Variants in WWP2 observed in about 807,000 individuals in gnomAD.
WWP2 encodes the protein NEDD4-like E3 ubiquitin-protein ligase WWP2.
In WWP2, 57 loss-of-function variants were observed where a neutral mutation model predicts 121.0. The observed-to-expected ratio is 0.47, with a 90% CI of 0.38 to 0.59. WWP2 has a LOEUF of 0.59. WWP2 is among the 20% of genes least tolerant of loss of function. The pLI is 0.00. For missense variants in WWP2, 962 were observed against 1,158.9 expected (o/e 0.83, Z 2.47); for synonymous variants, 449 against 441.3 (o/e 1.02, Z -0.22).
chr16:69,910,601 G>C (rs2058365690), intron 9 of WWP2, among the ~76,000 whole-genome samples: 1 of 152,120 alleles, frequency 6.6e-6, no homozygotes, highest in Non-Finnish European at 1.5e-5. Context: ...AGTAGAGACA[G>C]GGTTTCACCA....
intron 2 of WWP2, among the ~76,000 whole-genome samples, chr16:69,795,615 A>G (rs1296170433): frequency 8.5e-6 from 1 of 117,648 alleles, no homozygotes; most frequent in South Asian, 2.8e-4. Context: ...TTCTATTTCA[A>G]TTTTTCTATA....
At chr16:69,910,576 A>G (rs1347131044) in intron 9 of WWP2, among the ~76,000 whole-genome samples, 15 of 152,002 alleles carry the variant, frequency 9.9e-5, no homozygotes, top group Non-Finnish European at 1.5e-5. Context: ...TGCCCAACTA[A>G]TTTTTTGTAT....
chr16:69,893,887 A>C (rs1219378815), intron 8 of WWP2, among the ~76,000 whole-genome samples: 1 of 152,084 alleles, frequency 6.6e-6, no homozygotes, highest in Non-Finnish European at 1.5e-5. Flanking sequence ...CTCTTCCTGC[A>C]CTGGCAGATA....
rs1398259138 is a variant in WWP2 at position 69,940,987 on chromosome 16, C to T, written c.*1047C>T. 6.5e-6 allele frequency: 1 copy of T among 153,042 alleles called. No homozygotes were observed. Among genetic ancestry groups the T allele is most frequent in the African/African-American group, 2.4e-5 (1 of 41,470 alleles). 9.5% of individuals were successfully genotyped at this position (153,042 alleles called of 1,614,324 possible). On this transcript the variant is annotated 3_prime_UTR_variant, in exon 24 of 24. Transcript: ENST00000359154. ...ACAGGGGTCCGGCTGTGGAGCTCCC[C>T]TGCCAGCCCCTGGAGCTCCAGGAGG...
At chr16:69,811,035 A>G (rs1329593272) in intron 4 of WWP2, among the ~76,000 whole-genome samples, 4 of 152,126 alleles carry the variant, frequency 2.6e-5, no homozygotes, top group Admixed American at 1.3e-4. Flanking sequence ...GATTATAGGT[A>G]TGAGCCACCA....
intron 8 of WWP2, among the ~76,000 whole-genome samples, chr16:69,902,648 C>G (rs557195011): frequency 1.2e-4 from 19 of 152,248 alleles, no homozygotes; most frequent in Non-Finnish European, 2.6e-4. Context: ...GATTGAAAAG[C>G]CTTTTAATCT....
chr16:69,909,106 A>C, intron 9 of WWP2: 1 of 1,200,224 alleles, frequency 8.3e-7, no homozygotes, highest in Non-Finnish European at 1.0e-6. Context: ...ATTCCGCCGT[A>C]CCCTATGCCC....
chr16:69,830,508 T>C (rs1335992055), intron 4 of WWP2, among the ~76,000 whole-genome samples: 2 of 152,214 alleles, frequency 1.3e-5, no homozygotes, highest in Admixed American at 1.3e-4. Flanking sequence ...ACCAAAACTT[T>C]AATTTAGCAA....
At chr16:69,883,520 A>G (rs1452377397) in intron 7 of WWP2, among the ~76,000 whole-genome samples, 1 of 152,148 alleles carries the variant, frequency 6.6e-6, no homozygotes, top group Non-Finnish European at 1.5e-5. Context: ...TCTAGCCTTC[A>G]TATTTTTCTG....
chr16:69,933,895 G>A lies in WWP2; in HGVS notation c.1683-75G>A. On this transcript the variant is annotated intron_variant, in intron 16 of 23. Transcript: ENST00000359154. Reference sequence around the variant, plus strand: ...CCATACTAACCTGAGACACGATGGTGAAGAGACACAGCTCCTGTGCAGATG... The same window carrying A: ...CCATACTAACCTGAGACACGATGGTAAAGAGACACAGCTCCTGTGCAGATG... 2.6e-6 allele frequency: 4 copies of A among 1,529,586 alleles called. No individual in the cohort carries two copies. In the South Asian group the frequency reaches 4.8e-5, roughly 18 times the overall value. The allele number at this position is 1,529,586 out of a possible 1,614,324, so 94.8% of individuals were successfully genotyped here.
chr16:69,911,792 C>T (rs956192552), intron 9 of WWP2, among the ~76,000 whole-genome samples: 6 of 152,014 alleles, frequency 3.9e-5, no homozygotes, highest in Non-Finnish European at 7.4e-5. Context: ...AGGCATAAAC[C>T]TTCAACAATA....
At chr16:69,826,608 G>T (rs1312901089) in intron 4 of WWP2, among the ~76,000 whole-genome samples, 1 of 129,286 alleles carries the variant, frequency 7.7e-6, no homozygotes, top group African/African-American at 2.9e-5. Flanking sequence ...AGCCGGGCAC[G>T]GTGGCTAAGG....
Position 69,787,032 on chromosome 16 carries a change from C to A in WWP2, c.22C>A (p.Arg8=). 6.2e-7 allele frequency: 1 copy of A among 1,612,524 alleles called. No individual in the cohort carries two copies. Among genetic ancestry groups the A allele is most frequent in the Non-Finnish European group, 8.5e-7 (1 of 1,179,410 alleles). Residue 8 remains arginine, a synonymous_variant, in exon 2 of 24, where the codon CGG becomes AGG. Coordinates refer to ENST00000359154, the MANE Select transcript of WWP2 (RefSeq NM_001270454.2). ...TGATATGGCATCTGCCAGCTCTAGC[C>A]GGGCAGGAGTGGCCCTGCCTTTTGA... The part of the protein sequence containing the change: MASASSS[R]AGVALPFEKS...
intron 7 of WWP2, among the ~76,000 whole-genome samples, chr16:69,873,515 C>T (rs927313863): frequency 1.2e-4 from 19 of 152,202 alleles, no homozygotes; most frequent in Non-Finnish European, 2.1e-4. Context: ...AGCTGCCTGG[C>T]GCCCCTGTGC....
At chr16:69,798,010 G>A (rs1395184043) in intron 2 of WWP2, among the ~76,000 whole-genome samples, 5 of 152,144 alleles carry the variant, frequency 3.3e-5, no homozygotes, top group South Asian at 2.1e-4. Context: ...GAGCCGCCAC[G>A]CCCGGCCTTA....
chr16:69,801,652 A>G (rs1045013109), intron 4 of WWP2, among the ~76,000 whole-genome samples: 2 of 152,044 alleles, frequency 1.3e-5, no homozygotes, highest in Middle Eastern at 6.4e-3. Flanking sequence ...GCCTCAAGCC[A>G]TCTCCTGCCT....
At chr16:69,900,712 C>T (rs750856072) in intron 8 of WWP2, among the ~76,000 whole-genome samples, 25 of 152,046 alleles carry the variant, frequency 1.6e-4, no homozygotes, top group Non-Finnish European at 2.4e-4. Context: ...TTAGTAGAGA[C>T]GGGGTTTCAC....
Position 69,799,562 on chromosome 16 carries a change from T to C in WWP2, c.340+267T>C, listed in dbSNP as rs1016475296. On this transcript the variant is annotated intron_variant, in intron 4 of 23. Coordinates refer to ENST00000359154, the MANE Select transcript of WWP2 (RefSeq NM_001270454.2). This position sits in a 1 kb window ranked among gnomAD's most constrained non-coding sequence, Gnocchi z 4.5. ...CCTTAGGGACTGGAAACTTTCTGTC[T>C]GCCTCTGCTCCTCTTCCCGTTGCAG... The C allele has an allele frequency of 7.8e-5, 29 of 373,296 alleles. No homozygotes were observed. The highest frequency in any genetic ancestry group is 1.4e-4 in the Non-Finnish European group (28 of 205,666). The allele number at this position is 373,296 out of a possible 1,614,324, so 23.1% of individuals were successfully genotyped here. A position where few individuals can be genotyped will look rare whatever the true frequency, so the allele number is the denominator to read the frequency against.
chr16:69,931,090 A>G lies in WWP2; in HGVS notation c.1446-62A>G, dbSNP rs2058703885. 2.6e-6 allele frequency: 4 copies of G among 1,557,230 alleles called. No homozygotes were observed. In the Admixed American group the frequency reaches 6.8e-5, roughly 26 times the overall value. On this transcript the variant is annotated intron_variant, in intron 13 of 23. Transcript: ENST00000359154. ...GCACCAGCTTTCCTTAGGGCTGACA[A>G]AGACAAATTGTTCATTTTCTGAGAA...
Sources: allele counts gnomAD v4.1 joint callset (sites outside exome capture counted in the v4.1 genomes callset), GRCh38; gene constraint gnomAD v4.1.1; non-coding constraint Gnocchi (gnomAD v3.1); transcripts MANE v1.5; gene names NCBI Gene and HGNC (gene_info 2026-07-23, HGNC 2026-07-21).